The following BDH1 variants were observed in gnomAD, a reference collection of about 807,000 sequenced individuals.
BDH1 encodes the protein D-beta-hydroxybutyrate dehydrogenase, mitochondrial.
In BDH1, 30 loss-of-function variants were observed where a neutral mutation model predicts 33.1. The ratio of observed to expected loss-of-function variants is 0.91; its 90% CI spans 0.68 to 1.23. BDH1 has a LOEUF of 1.23. Ranked by LOEUF, BDH1 falls within the 50% of genes most tolerant of loss-of-function variation. The probability of loss-of-function intolerance (pLI) is 0.00; values close to 1 mark genes in which losing one functional copy is unlikely to be tolerated. For missense variants in BDH1, 443 were observed against 464.4 expected, an observed-to-expected ratio of 0.95 and a Z score of 0.42; for synonymous variants, 190 against 183.6, an observed-to-expected ratio of 1.03 and a Z score of -0.28.
rs183599297 is a variant in BDH1, at chr3:197,522,621, G to A, written c.409+19C>T. 990 of 1,613,622 alleles carry A rather than the reference G, an allele frequency of 6.1e-4. 12 individuals carry two copies. In the East Asian group the frequency reaches 0.019, roughly 31 times the overall value. ...AATGGCCCCATACACAACCCCTGCC[G>A]TCCGAAGGGGCGCCCTACCTTTCTC... On this transcript the variant is annotated intron_variant, in intron 6 of 7. Transcript: ENST00000392379. The surrounding 1 kb of genome is among the most constrained non-coding windows in gnomAD (Gnocchi z 4.8).
rs755033433 is a variant in BDH1, at chr3:197,512,357, G to C, written c.570C>G (p.Val190=). The C allele has an allele frequency of 4.2e-5, 67 of 1,603,768 alleles. 1 individual carries two copies. In the South Asian group the frequency reaches 6.7e-4, roughly 16 times the overall value. The change falls in exon 8 of 8, where the codon GTC becomes GTG. Residue 190 remains valine (V), a synonymous_variant. Transcript: ENST00000392379. Reference sequence around the variant, plus strand: ...GGCCCAGCATGCTGCTGATATTGACGACGCGGCCTACAGAGGGAGACAGAG... The same window carrying C: ...GGCCCAGCATGCTGCTGATATTGACCACGCGGCCTACAGAGGGAGACAGAG... ...LPLIRRAKGR[V]VNISSMLGRM...
Position 197,522,763 on chromosome 3 carries a change from C to T in BDH1, c.286G>A (p.Val96Ile), listed in dbSNP as rs779119887. 6.2e-7 allele frequency: 1 copy of T among 1,613,944 alleles called. No individual in the cohort carries two copies. The highest frequency in any genetic ancestry group is 8.5e-7 in the Non-Finnish European group (1 of 1,179,976). Residue 96 changes from valine to isoleucine, a missense_variant, in exon 6 of 8, where the codon GTC (valine) becomes ATC (isoleucine). Transcript: ENST00000392379. This position sits in a 1 kb window ranked among gnomAD's most constrained non-coding sequence, Gnocchi z 4.8. ...CLMKDKGHDG[V>I]KELDSLNSDR... ...CTGTTTAGGCTGTCCAGCTCCTTGA[C>T]CCCATCATGGCCTTTGTCCTGGGGA...
intron 3 of BDH1, among the ~76,000 whole-genome samples, chr3:197,539,271 C>A (rs1195773980): frequency 6.6e-6 from 1 of 152,196 alleles, no homozygotes; most frequent in Non-Finnish European, 1.5e-5. Flanking sequence ...TCCCAAGTGG[C>A]TGGGATTACA....
intron 5 of BDH1, chr3:197,529,447 C>T (rs1046438344): frequency 6.6e-6 from 1 of 152,138 alleles, no homozygotes; most frequent in Non-Finnish European, 1.5e-5. Flanking sequence ...AAGTATAATG[C>T]AAATATTCCA....
chr3:197,536,222 T>A (rs1715142587), intron 3 of BDH1, among the ~76,000 whole-genome samples: 1 of 152,230 alleles, frequency 6.6e-6, no homozygotes, highest in Admixed American at 6.5e-5. Context: ...CAAAAATTGG[T>A]TGGGCATATT....
In BDH1 at chr3:197,510,602, GT is replaced by G. The variant is rs1711834085; in HGVS notation, c.*1292del. Reference sequence around the variant, plus strand: ...CGCTGAAGCCCTGCAGAACAGGGGTGTGTGTGTGTGTGTGTGTGTGTGTGTG... The same window carrying G: ...CGCTGAAGCCCTGCAGAACAGGGGTGGTGTGTGTGTGTGTGTGTGTGTGTG... On this transcript the variant is annotated 3_prime_UTR_variant, in exon 8 of 8. Transcript: ENST00000392379. 3.5e-4 allele frequency: 6 copies of G among 17,130 alleles called. No individual in the cohort carries two copies. Among genetic ancestry groups the G allele is most frequent in the South Asian group, 1.7e-3 (1 of 586 alleles). 1.1% of individuals were successfully genotyped at this position (17,130 alleles called of 1,614,324 possible).
intron 3 of BDH1, among the ~76,000 whole-genome samples, chr3:197,535,701 G>C (rs1479836230): frequency 4.6e-5 from 7 of 152,110 alleles, no homozygotes; most frequent in Admixed American, 4.6e-4. Context: ...AAGTCTCAGA[G>C]CTCTTTGCCC....
At chr3:197,543,045 T>TG (rs1715786756) in intron 3 of BDH1, 2 of 985,336 alleles carry the variant, frequency 2.0e-6, no homozygotes, top group African/African-American at 3.5e-5. Context: ...GCGTTCATTC[T>TG]GGCTTCTTCT....
chr3:197,557,231 A>T (rs1156429469), upstream of BDH1, among the ~76,000 whole-genome samples: 1 of 152,206 alleles, frequency 6.6e-6, no homozygotes, highest in African/African-American at 2.4e-5. This position sits in a 1 kb window ranked among gnomAD's most constrained non-coding sequence, Gnocchi z 4.6. Context: ...CAACCACCTT[A>T]GGCACATGTC....
chr3:197,535,854 G>A (rs905760734), intron 3 of BDH1, among the ~76,000 whole-genome samples: 1 of 151,974 alleles, frequency 6.6e-6, no homozygotes, highest in African/African-American at 2.4e-5. Flanking sequence ...AGAACAGCCC[G>A]GGCAACATGG....
chr3:197,510,178 T>C lies in BDH1; in HGVS notation c.*1717A>G, dbSNP rs1159774031. ...CCAGCTGCTAGGAGAGCGAGAACAC[T>C]GTTTCTGAAGGGTGCTGCTTGCTTC... is the stretch of plus-strand genomic sequence containing the variant. On this transcript the variant is annotated 3_prime_UTR_variant, in exon 8 of 8. Transcript: ENST00000392379. 6.6e-6 allele frequency: 1 copy of C among 152,288 alleles called. No individual in the cohort carries two copies. Among genetic ancestry groups the C allele is most frequent in the East Asian group, 1.9e-4 (1 of 5,204 alleles). The allele number at this position is 152,288 out of a possible 1,614,324, so 9.4% of individuals were successfully genotyped here.
At chr3:197,538,672 A>G (rs1715356719) in intron 3 of BDH1, 1 of 230,338 alleles carries the variant, frequency 4.3e-6, no homozygotes, top group South Asian at 5.7e-5. Flanking sequence ...ATTTTGTACC[A>G]TGTAAATATA....
chr3:197,532,390 A>G (rs779303747), intron 5 of BDH1, 22 bp downstream of exon 5: 5 of 1,589,916 alleles, frequency 3.1e-6, no homozygotes, highest in South Asian at 2.2e-5. Flanking sequence ...GACAATGGTG[A>G]AGAAGATAAC....
At chr3:197,572,711 C>T (rs1046409545) in intron 1 of BDH1, among the ~76,000 whole-genome samples, 17 of 151,996 alleles carry the variant, frequency 1.1e-4, no homozygotes, top group Admixed American at 7.2e-4. Context: ...CACTCCAGCC[C>T]GGACAACATA....
At chr3:197,513,253 C>A (rs115608061) in intron 7 of BDH1, among the ~76,000 whole-genome samples, 2 of 152,164 alleles carry the variant, frequency 1.3e-5, no homozygotes, top group Admixed American at 6.5e-5. Flanking sequence ...TGGCCCAGCC[C>A]GGGAAGCCGA....
chr3:197,538,197 G>A lies in BDH1; in HGVS notation c.84-4636C>T, dbSNP rs181499553. Reference sequence around the variant, plus strand: ...ACATCTACTCCATCTTCCCAGAAGCGGAGGTCCTGTTAGTTTTTAAAGGAT... The same window carrying A: ...ACATCTACTCCATCTTCCCAGAAGCAGAGGTCCTGTTAGTTTTTAAAGGAT... On this transcript the variant is annotated intron_variant, in intron 3 of 7. Coordinates refer to ENST00000392379, the MANE Select transcript of BDH1 (RefSeq NM_203314.3). 3,410 of 439,068 alleles carry A rather than the reference G, an allele frequency of 7.8e-3. 30 individuals are homozygous for A. The highest frequency in any genetic ancestry group is 0.013 in the Non-Finnish European group (2,828 of 215,564). The allele number at this position is 439,068 out of a possible 1,614,324, so 27.2% of individuals were successfully genotyped here. A position where few individuals can be genotyped will look rare whatever the true frequency, so the allele number is the denominator to read the frequency against.
rs1712733377 is a variant in BDH1 at position 197,516,439 on chromosome 3, T to A, written c.410-2023A>T. On this transcript the variant is annotated intron_variant, in intron 6 of 7. Coordinates refer to ENST00000392379, the MANE Select transcript of BDH1 (RefSeq NM_203314.3). The surrounding 1 kb of genome is among the most constrained non-coding windows in gnomAD (Gnocchi z 4.2). ...CCCTGGATTACAGCTTTAATGAGTGTTGAGAGTGGTGGACCTAGTTGCCAT... is the reference window on the plus strand; with the variant it reads ...CCCTGGATTACAGCTTTAATGAGTGATGAGAGTGGTGGACCTAGTTGCCAT... Among the ~76,000 whole-genome samples the A allele has an allele frequency of 6.6e-6, 1 of 152,174 alleles. No individual in the cohort carries two copies. The highest frequency in any genetic ancestry group is 6.5e-5 in the Admixed American group (1 of 15,278).
chr3:197,537,597 A>G (rs1377658654), intron 3 of BDH1, among the ~76,000 whole-genome samples: 1 of 152,170 alleles, frequency 6.6e-6, no homozygotes, highest in Non-Finnish European at 1.5e-5. Flanking sequence ...TTTGTTCCCC[A>G]TCTTAGGGAC....
chr3:197,532,797 A>G (rs901308434), intron 4 of BDH1, among the ~76,000 whole-genome samples: 4 of 152,246 alleles, frequency 2.6e-5, no homozygotes, highest in Admixed American at 6.5e-5. Flanking sequence ...TGTGAGAAAC[A>G]GAGGTCTTTT....
Sources: allele counts gnomAD v4.1 joint callset (sites outside exome capture counted in the v4.1 genomes callset), GRCh38; gene constraint gnomAD v4.1.1; non-coding constraint Gnocchi (gnomAD v3.1); transcripts MANE v1.5; gene names NCBI Gene and HGNC (gene_info 2026-07-23, HGNC 2026-07-21).